The following ART4 variants were observed in gnomAD, a reference collection of about 807,000 sequenced individuals.
ART4 encodes the protein ecto-ADP-ribosyltransferase 4.
Under a neutral mutation model 24.2 loss-of-function variants are expected in ART4, and 14 were observed. The ratio of observed to expected loss-of-function variants is 0.58; its 90% CI spans 0.38 to 0.90. ART4 has a LOEUF of 0.90. Ranked by LOEUF, ART4 falls within the 40% of genes least tolerant of loss-of-function variation. The pLI, the probability that ART4 is intolerant of heterozygous loss-of-function variation, is 0.00. For missense variants in ART4, 356 were observed against 366.6 expected (o/e 0.97, Z 0.24); for synonymous variants, 145 against 139.9 (o/e 1.04, Z -0.26).
intron 2 of ART4, 115 bp downstream of exon 2, chr12:14,840,330 G>A (rs1199889803): frequency 2.1e-5 from 18 of 846,036 alleles, no homozygotes; most frequent in African/African-American, 8.6e-5. Flanking sequence ...CATCATTACC[G>A]AAGGCTAGTT....
intron 2 of ART4, among the ~76,000 whole-genome samples, chr12:14,833,238 T>C (rs1177917891): frequency 6.6e-6 from 1 of 152,184 alleles, no homozygotes; most frequent in African/African-American, 2.4e-5. Context: ...AACTGTTGTA[T>C]TTTATGAATA....
In ART4 at chr12:14,828,014, A is replaced by G. The variant is rs1950369942; in HGVS notation, c.*1357T>C. 1 of 152,220 alleles carries G rather than the reference A, an allele frequency of 6.6e-6. No individual in the cohort carries two copies. The highest frequency in any genetic ancestry group is 2.4e-5 in the African/African-American group (1 of 41,454). The allele number at this position is 152,220 out of a possible 1,614,324, so 9.4% of individuals were successfully genotyped here. A position where few individuals can be genotyped will look rare whatever the true frequency, so the allele number is the denominator to read the frequency against. On this transcript the variant is annotated 3_prime_UTR_variant, in exon 3 of 3. Transcript: ENST00000228936. The stretch of plus-strand genomic sequence containing the variant: ...TAGAGCTAGCCCTCATCTTTACTCC[A>G]TTTAGCCTGATACCAGGGTCTTCAG...
In ART4 at chr12:14,828,990, T is replaced by C. The variant is rs995269997; in HGVS notation, c.*381A>G. On this transcript the variant is annotated 3_prime_UTR_variant, in exon 3 of 3. Coordinates refer to ENST00000228936, the MANE Select transcript of ART4 (RefSeq NM_021071.4). ...CAATTGCAATTCCACAAAAGTACCCTGATTGTATCTCACAGGCTCTGATTG... is the reference window on the plus strand; with the variant it reads ...CAATTGCAATTCCACAAAAGTACCCCGATTGTATCTCACAGGCTCTGATTG... 6.4e-6 allele frequency: 1 copy of C among 155,180 alleles called. No homozygotes were observed. Among genetic ancestry groups the C allele is most frequent in the Non-Finnish European group, 1.4e-5 (1 of 70,362 alleles). 9.6% of individuals were successfully genotyped at this position (155,180 alleles called of 1,614,324 possible).
In ART4 at chr12:14,829,345, T is replaced by A. The variant is rs752476791; in HGVS notation, c.*26A>T. The A allele has an allele frequency of 4.9e-6, 7 of 1,427,092 alleles. No individual in the cohort carries two copies. The East Asian group carries it at 7.2e-5, about 15-fold the overall frequency. The allele number at this position is 1,427,092 out of a possible 1,614,324, so 88.4% of individuals were successfully genotyped here. A position where few individuals can be genotyped will look rare whatever the true frequency, so the allele number is the denominator to read the frequency against. The stretch of plus-strand genomic sequence containing the variant: ...AAAGATTTTATTTAAATATTTTTTT[T>A]AAATAAAAGGAGCCACAAGATTTCT... On this transcript the variant is annotated 3_prime_UTR_variant, in exon 3 of 3. Coordinates refer to ENST00000228936, the MANE Select transcript of ART4 (RefSeq NM_021071.4).
chr12:14,837,059 G>A (rs141742484), intron 2 of ART4, among the ~76,000 whole-genome samples: 369 of 152,106 alleles, frequency 2.4e-3, no homozygotes, highest in Non-Finnish European at 4.2e-3. Context: ...CACTGAGAGG[G>A]CTACTAAGTG....
chr12:14,830,545 G>A (rs972216335), intron 2 of ART4, among the ~76,000 whole-genome samples: 14,933 of 119,026 alleles, frequency 0.13, 1,030 homozygotes, highest in South Asian at 0.21. Context: ...GAGTGTGTGT[G>A]TGTGTGTGTG....
intron 1 of ART4, 119 bp downstream of exon 1, chr12:14,842,851 G>A: frequency 8.0e-7 from 1 of 1,246,308 alleles, no homozygotes; most frequent in Admixed American, 2.8e-5. Context: ...TTGTTAAAAT[G>A]TCTGAATGAA....
chr12:14,832,984 A>C (rs1008378979), intron 2 of ART4, among the ~76,000 whole-genome samples: 1 of 152,152 alleles, frequency 6.6e-6, no homozygotes, highest in African/African-American at 2.4e-5. Context: ...TACAAACTAA[A>C]GTTTTATTTG....
intron 2 of ART4, among the ~76,000 whole-genome samples, chr12:14,837,674 T>C (rs10772809): frequency 0.34 from 51,621 of 151,932 alleles, 9,309 homozygotes; most frequent in Middle Eastern, 0.39. Context: ...CCATGATACC[T>C]GGCTACTTTT....
chr12:14,840,390 T>G, intron 2 of ART4, 55 bp downstream of exon 2: 1 of 1,447,904 alleles, frequency 6.9e-7, no homozygotes. Context: ...AAATAACTTT[T>G]ATAAAAGAGC....
chr12:14,830,698 T>C (rs57682979), intron 2 of ART4, among the ~76,000 whole-genome samples: 1,832 of 98,710 alleles, frequency 0.019, 164 homozygotes, highest in African/African-American at 0.06. Context: ...TATATATATA[T>C]ACAGTAATTT....
Position 14,838,146 on chromosome 12 carries a change from G to A in ART4, c.853+2299C>T, listed in dbSNP as rs61137302. Among the ~76,000 whole-genome samples, 438 of 152,210 alleles carry A rather than the reference G, an allele frequency of 2.9e-3. 1 individual carries two copies. The highest frequency in any genetic ancestry group is 0.01 in the African/African-American group (428 of 41,526). On this transcript the variant is annotated intron_variant, in intron 2 of 2. Coordinates refer to ENST00000228936, the MANE Select transcript of ART4 (RefSeq NM_021071.4). ...ACTGTCAGAATTTAGTGATCTATGT[G>A]GCTACCCCAGCTAAACCTTAACTCA...
chr12:14,840,382 A>G (rs762976656), intron 2 of ART4, 63 bp downstream of exon 2: 2 of 1,404,458 alleles, frequency 1.4e-6, no homozygotes, highest in Non-Finnish European at 1.9e-6. Context: ...CTGAGAAAAA[A>G]TAACTTTTAT....
Position 14,829,426 on chromosome 12 carries a change from A to G in ART4, c.890T>C (p.Ile297Thr). ...ACTGGTCAAAAAGGAGAGAGATGCA[A>G]TAGCTATAGGATCAGGGATGCATTT... ...SKKCIPDPIA[I>T]ASLSFLTSVI... Residue 297 changes from isoleucine to threonine, a missense_variant, in exon 3 of 3, where the codon ATT (isoleucine) becomes ACT (threonine). Transcript: ENST00000228936. 1 of 1,610,172 alleles carries G rather than the reference A, an allele frequency of 6.2e-7. No homozygotes were observed. The highest frequency in any genetic ancestry group is 8.5e-7 in the Non-Finnish European group (1 of 1,178,648).
At chr12:14,842,435 G>T (rs1490537660) in intron 1 of ART4, among the ~76,000 whole-genome samples, 1 of 152,062 alleles carries the variant, frequency 6.6e-6, no homozygotes, top group East Asian at 1.9e-4. Context: ...TTCACATCAG[G>T]TATTAAAATA....
chr12:14,841,382 TCCC>T lies in ART4; in HGVS notation c.145-232_145-230del, dbSNP rs369538494. On this transcript the variant is annotated intron_variant, in intron 1 of 2. Coordinates refer to ENST00000228936, the MANE Select transcript of ART4 (RefSeq NM_021071.4). The stretch of plus-strand genomic sequence containing the variant: ...TTACTGAAAGCTTGAAAAACTCATC[TCCC>T]CAGAGAGGAAGTAACTCTTTTAATA... 2,101 of 465,632 alleles carry T rather than the reference TCCC, an allele frequency of 4.5e-3. 38 individuals carry two copies. Among genetic ancestry groups the T allele is most frequent in the South Asian group, 0.035 (712 of 20,324 alleles). 28.8% of individuals were successfully genotyped at this position (465,632 alleles called of 1,614,324 possible).
intron 2 of ART4, among the ~76,000 whole-genome samples, chr12:14,833,660 A>C (rs1950410720): frequency 6.6e-6 from 1 of 152,192 alleles, no homozygotes; most frequent in African/African-American, 2.4e-5. Context: ...TAGGGTATAA[A>C]GTCTGGAAGA....
Position 14,841,168 on chromosome 12 carries a change from A to G in ART4, c.145-15T>C, listed in dbSNP as rs776684513. 2 of 1,563,060 alleles carry G rather than the reference A, an allele frequency of 1.3e-6. No individual in the cohort carries two copies. The highest frequency in any genetic ancestry group is 1.7e-6 in the Non-Finnish European group (2 of 1,160,252). On this transcript the variant is annotated splice_polypyrimidine_tract_variant and intron_variant, in intron 1 of 2. Coordinates refer to ENST00000228936, the MANE Select transcript of ART4 (RefSeq NM_021071.4). ...TTAATTGCAACCTGTAAAAAAAGAA[A>G]AATCTTGAGTTTAATTTTTCAAATC...
intron 2 of ART4, among the ~76,000 whole-genome samples, chr12:14,833,199 C>T (rs150603143): frequency 6.6e-6 from 1 of 152,272 alleles, no homozygotes; most frequent in African/African-American, 2.4e-5. Context: ...AATAGAAACA[C>T]TAGCATTAAC....
Sources: allele counts gnomAD v4.1 joint callset (sites outside exome capture counted in the v4.1 genomes callset), GRCh38; gene constraint gnomAD v4.1.1; transcripts MANE v1.5; gene names NCBI Gene and HGNC (gene_info 2026-07-23, HGNC 2026-07-21).